Variants in STAC observed in about 807,000 individuals in gnomAD.
STAC encodes SH3 and cysteine rich domain, also known as SH3 and cysteine-rich domain-containing protein.
STAC carries 43 observed loss-of-function variants against 48.8 expected under a neutral mutation model. The ratio of observed to expected loss-of-function variants is 0.88; its 90% confidence interval spans 0.69 to 1.14. The LOEUF (loss-of-function observed/expected upper bound fraction) is 1.14, where lower values mean the gene tolerates loss of function less well. Among genes scored for constraint, STAC ranks in the 50% most tolerant of loss-of-function variants. The pLI, the probability that STAC is intolerant of heterozygous loss-of-function variation, is 0.00. For synonymous variants in STAC, 193 were observed against 179.5 expected (o/e 1.07, Z -0.60); for missense variants, 497 against 504.0 (o/e 0.99, Z 0.13).
At chr3:36,389,053 T>C (rs1371614455) in intron 1 of STAC, among the ~76,000 whole-genome samples, 1 of 152,208 alleles carries the variant, frequency 6.6e-6, no homozygotes, top group African/African-American at 2.4e-5. Flanking sequence ...ATCTTTACAA[T>C]TATGAGATTT....
At chr3:36,535,028 A>G (rs1177586068) in intron 10 of STAC, among the ~76,000 whole-genome samples, 1 of 152,184 alleles carries the variant, frequency 6.6e-6, no homozygotes, top group Non-Finnish European at 1.5e-5. Context: ...CATTTCTTTA[A>G]TGGGAATAAC....
intron 8 of STAC, among the ~76,000 whole-genome samples, chr3:36,513,119 T>C (rs1698583351): frequency 6.6e-6 from 1 of 152,130 alleles, no homozygotes; most frequent in Admixed American, 6.5e-5. Flanking sequence ...ACAGCAGTTG[T>C]CAATCAGAGC....
chr3:36,458,855 AT>A (rs1198565250), intron 2 of STAC, among the ~76,000 whole-genome samples: 1 of 152,234 alleles, frequency 6.6e-6, no homozygotes, highest in Non-Finnish European at 1.5e-5. Context: ...CATCTCAGAA[AT>A]TTAGTGAGTA....
At chr3:36,454,937 G>T (rs572561301) in intron 2 of STAC, among the ~76,000 whole-genome samples, 1 of 152,238 alleles carries the variant, frequency 6.6e-6, no homozygotes, top group African/African-American at 2.4e-5. Flanking sequence ...GTGTAGAGAT[G>T]ATCTTTCAGG....
rs77390784 is a variant in STAC, at chr3:36,500,696, T to C, written c.767-3697T>C. On this transcript the variant is annotated intron_variant, in intron 6 of 10. Coordinates refer to ENST00000273183, the MANE Select transcript of STAC (RefSeq NM_003149.3). Reference sequence around the variant, plus strand: ...TGAATTTCAAATAATTATTATTATATAGAATACATCTTTCTGACCACAGTG... The same window carrying C: ...TGAATTTCAAATAATTATTATTATACAGAATACATCTTTCTGACCACAGTG... Among the ~76,000 whole-genome samples, 645 of 152,318 alleles carry C rather than the reference T, an allele frequency of 4.2e-3. 20 individuals are homozygous for C. In the East Asian group the frequency reaches 0.083, roughly 20 times the overall value.
At chr3:36,454,640 G>C (rs1696799275) in intron 2 of STAC, among the ~76,000 whole-genome samples, 1 of 152,046 alleles carries the variant, frequency 6.6e-6, no homozygotes, top group Non-Finnish European at 1.5e-5. Context: ...AATGAGAAAG[G>C]GACCAAGTGG....
At chr3:36,384,487 C>T (rs1270966950) in intron 1 of STAC, among the ~76,000 whole-genome samples, 1 of 152,162 alleles carries the variant, frequency 6.6e-6, no homozygotes, top group African/African-American at 2.4e-5. Context: ...CATACACAAA[C>T]ATAAACCATT....
chr3:36,468,105 C>T (rs1193614181), intron 2 of STAC, among the ~76,000 whole-genome samples: 1 of 152,006 alleles, frequency 6.6e-6, no homozygotes, highest in Non-Finnish European at 1.5e-5. Flanking sequence ...ATTGTTGACC[C>T]AACAATCATT....
intron 1 of STAC, among the ~76,000 whole-genome samples, chr3:36,432,702 CA>C (rs369547121): frequency 0.027 from 2,861 of 107,744 alleles, 45 homozygotes; most frequent in Non-Finnish European, 0.036. Context: ...GACTCCGTCT[CA>C]AAAAAAAAAA....
At chr3:36,544,023 A>T (rs1438168073) in intron 10 of STAC, among the ~76,000 whole-genome samples, 1 of 152,136 alleles carries the variant, frequency 6.6e-6, no homozygotes, top group Non-Finnish European at 1.5e-5. Flanking sequence ...TAGGACTCAT[A>T]TTAAGGGTTG....
intron 1 of STAC, among the ~76,000 whole-genome samples, chr3:36,392,755 T>A (rs1026498429): frequency 6.6e-6 from 1 of 152,082 alleles, no homozygotes; most frequent in Non-Finnish European, 1.5e-5. Flanking sequence ...CAGTTTATTG[T>A]CTCTCTTCCC....
At chr3:36,433,089 A>G (rs964058810) in intron 1 of STAC, among the ~76,000 whole-genome samples, 5 of 152,162 alleles carry the variant, frequency 3.3e-5, no homozygotes, top group African/African-American at 1.2e-4. Context: ...CATGCTGCAT[A>G]CTGGGGGTCA....
At chr3:36,424,566 A>G (rs1284313238) in intron 1 of STAC, among the ~76,000 whole-genome samples, 1 of 152,180 alleles carries the variant, frequency 6.6e-6, no homozygotes, top group Non-Finnish European at 1.5e-5. Context: ...GTGCGCAGAC[A>G]TCTCAGTTTC....
intron 1 of STAC, among the ~76,000 whole-genome samples, chr3:36,383,039 C>A (rs1699545841): frequency 6.6e-6 from 1 of 152,070 alleles, no homozygotes; most frequent in Admixed American, 6.6e-5. Flanking sequence ...ATAAGAGTAA[C>A]AAATACTCTT....
In STAC at chr3:36,398,344, A is replaced by C. The variant is rs562560265; in HGVS notation, c.111+17590A>C. ...GCAAGAAAGAAAGAAAGAAAGAAAG[A>C]AAGAAAGAAAGAAAGAAAGAAAGAA... is the stretch of plus-strand genomic sequence containing the variant. On this transcript the variant is annotated intron_variant, in intron 1 of 10. Coordinates refer to ENST00000273183, the MANE Select transcript of STAC (RefSeq NM_003149.3). Among the ~76,000 whole-genome samples the C allele has an allele frequency of 2.0e-4, 28 of 141,134 alleles. 1 individual carries two copies. The highest frequency in any genetic ancestry group is 3.3e-4 in the Non-Finnish European group (21 of 64,206). 92.6% of individuals were successfully genotyped at this position (141,134 alleles called of 152,430 possible).
chr3:36,504,049 C>T (rs889708239), intron 6 of STAC, among the ~76,000 whole-genome samples: 4 of 152,250 alleles, frequency 2.6e-5, no homozygotes, highest in East Asian at 3.9e-4. Context: ...CATTAACAAG[C>T]GGTTTGATGC....
Position 36,443,425 on chromosome 3 carries a change from A to T in STAC, c.173A>T (p.Asp58Val). Residue 58 changes from aspartate (D) to valine (V), a missense_variant, in exon 2 of 11, where the codon GAC becomes GTC. Transcript: ENST00000273183. The surrounding 1 kb of genome is among the most constrained non-coding windows in gnomAD (Gnocchi z 4.2). ...AAGAGTTTACGGAGCAAAAGTGCTG[A>T]CAACTTCTTCCAGCGAACCAACAGC... is the stretch of plus-strand genomic sequence containing the variant. ...KTKSLRSKSA[D>V]NFFQRTNSED... The T allele has an allele frequency of 1.9e-6, 3 of 1,614,202 alleles. No homozygotes were observed. The highest frequency in any genetic ancestry group is 2.5e-6 in the Non-Finnish European group (3 of 1,180,042).
chr3:36,520,378 A>C (rs965664437), intron 8 of STAC, among the ~76,000 whole-genome samples: 8 of 152,162 alleles, frequency 5.3e-5, no homozygotes, highest in Non-Finnish European at 1.0e-4. Context: ...TTATCCAAAG[A>C]TAGGCAGTGG....
At chr3:36,395,142 T>G (rs1448938181) in intron 1 of STAC, among the ~76,000 whole-genome samples, 3 of 152,082 alleles carry the variant, frequency 2.0e-5, no homozygotes, top group African/African-American at 7.2e-5. Context: ...ATCTTATGGA[T>G]AACTTTGCAA....
Sources: gnomAD v4.1 joint callset for allele counts (sites outside exome capture counted in the v4.1 genomes callset) on GRCh38, gnomAD v4.1.1 for gene constraint, Gnocchi (gnomAD v3.1) non-coding constraint, MANE v1.5 for transcripts, NCBI Gene and HGNC (gene_info 2026-07-23, HGNC 2026-07-21) for gene names.